The following ENAH variants were observed in gnomAD, a reference collection of about 807,000 sequenced individuals.
ENAH encodes the protein ENAH actin regulator, also known as protein enabled homolog.
A neutral mutation model predicts 78.7 loss-of-function variants in ENAH; 23 were observed. The observed-to-expected ratio is 0.29, with a 90% CI of 0.21 to 0.41. ENAH has a LOEUF of 0.41. Ranked by LOEUF, ENAH falls within the 10% of genes least tolerant of loss-of-function variation. The pLI, the probability that ENAH is intolerant of heterozygous loss-of-function variation, is 1.00. For missense variants in ENAH, 544 were observed against 691.0 expected, an observed-to-expected ratio of 0.79 and a Z score of 2.39; for synonymous variants, 226 against 241.0, an observed-to-expected ratio of 0.94 and a Z score of 0.58.
rs765387144 is a variant in ENAH, at chr1:225,517,215, G to A, written c.894C>T (p.Ala298=). The A allele has an allele frequency of 8.8e-5, 135 of 1,542,774 alleles. No homozygotes were observed. Among genetic ancestry groups the A allele is most frequent in the Middle Eastern group, 2.0e-4 (1 of 4,954 alleles). The change falls in exon 6 of 14, where the codon GCC becomes GCT. Residue 298 remains alanine, a synonymous_variant. Transcript: ENST00000366843. The part of the protein sequence containing the change: ...EPGLQAASQP[A]ETPSQQGIVL... ...CCTTACCCTGTTGGGATGGAGTCTC[G>A]GCCGGCTGAGAGGCTGCCTGCAAGC...
intron 1 of ENAH, among the ~76,000 whole-genome samples, chr1:225,618,599 C>T (rs766598938): frequency 1.1e-4 from 17 of 152,222 alleles, no homozygotes; most frequent in Non-Finnish European, 2.5e-4. Context: ...TCCACCCATT[C>T]CACAAATCTA....
At chr1:225,575,147 C>T (rs2096782616) in intron 1 of ENAH, among the ~76,000 whole-genome samples, 1 of 152,170 alleles carries the variant, frequency 6.6e-6, no homozygotes. Flanking sequence ...GCTCCACACA[C>T]ACAGTCACCA....
rs142795931 is a variant in ENAH, at chr1:225,604,742, G to A, written c.6-37328C>T. ...CATGAGGCAGGGGTTGCAGTAAGCC[G>A]AGATTGCGCCATTGCACTCCAGCCT... is the stretch of plus-strand genomic sequence containing the variant. On this transcript the variant is annotated intron_variant, in intron 1 of 13. Transcript: ENST00000366843. Among the ~76,000 whole-genome samples, 116 of 152,118 alleles carry A rather than the reference G, an allele frequency of 7.6e-4. 1 individual carries two copies. The East Asian group carries it at 0.015, about 19-fold the overall frequency.
chr1:225,531,815 T>C (rs908176347), intron 3 of ENAH, among the ~76,000 whole-genome samples: 4 of 152,056 alleles, frequency 2.6e-5, no homozygotes, highest in Admixed American at 2.0e-4. Flanking sequence ...TACTGGTGTA[T>C]CCCAAGTGTG....
chr1:225,588,754 G>A (rs984239643), intron 1 of ENAH, among the ~76,000 whole-genome samples: 3 of 146,926 alleles, frequency 2.0e-5, no homozygotes, highest in South Asian at 2.1e-4. Flanking sequence ...GCAGTGAGCC[G>A]AGGTCGTGCC....
intron 11 of ENAH, among the ~76,000 whole-genome samples, 159 bp downstream of exon 11, chr1:225,507,792 T>C (rs2096345282): frequency 6.6e-6 from 1 of 152,108 alleles, no homozygotes; most frequent in African/African-American, 2.4e-5. Context: ...ATGAGTAATA[T>C]ATAATGAGGC....
chr1:225,628,906 CAAAA>C (rs35601763), intron 1 of ENAH, among the ~76,000 whole-genome samples: 1 of 68,536 alleles, frequency 1.5e-5, no homozygotes, highest in Admixed American at 1.7e-4. Context: ...AACTCCGTCT[CAAAA>C]AAAAAAAAAA....
At chr1:225,633,858 G>C (rs990496696) in intron 1 of ENAH, among the ~76,000 whole-genome samples, 4 of 152,138 alleles carry the variant, frequency 2.6e-5, no homozygotes, top group Non-Finnish European at 5.9e-5. Context: ...GGTCTGTGGC[G>C]AAGGACTTAT....
At chr1:225,604,920 T>C (rs187428337) in intron 1 of ENAH, among the ~76,000 whole-genome samples, 11 of 152,336 alleles carry the variant, frequency 7.2e-5, no homozygotes, top group Non-Finnish European at 1.3e-4. Flanking sequence ...CTTTTAGACT[T>C]TGATACTTAG....
chr1:225,595,162 G>A (rs967656591), intron 1 of ENAH, among the ~76,000 whole-genome samples: 3 of 151,974 alleles, frequency 2.0e-5, no homozygotes, highest in African/African-American at 2.4e-5. Context: ...GTGAAACCCC[G>A]GCTCTACTAA....
At chr1:225,647,009 G>C (rs921949205) in intron 1 of ENAH, among the ~76,000 whole-genome samples, 1 of 151,612 alleles carries the variant, frequency 6.6e-6, no homozygotes, top group Non-Finnish European at 1.5e-5. Context: ...GGCGCATCAC[G>C]AGGTCAGGAG....
chr1:225,513,153 C>T, intron 7 of ENAH, 137 bp from the exon 8 acceptor site: 5 of 717,242 alleles, frequency 7.0e-6, no homozygotes, highest in Non-Finnish European at 1.1e-5. Flanking sequence ...GCTTTAAGAA[C>T]CAATAGATTC....
At chr1:225,582,195 G>C (rs1006171655) in intron 1 of ENAH, among the ~76,000 whole-genome samples, 2 of 152,022 alleles carry the variant, frequency 1.3e-5, no homozygotes, top group African/African-American at 4.8e-5. Context: ...TCCAGCCACA[G>C]GAAGTGCCAG....
chr1:225,500,903 A>T, intron 12 of ENAH, 89 bp downstream of exon 12: 4 of 1,188,480 alleles, frequency 3.4e-6, no homozygotes, highest in Non-Finnish European at 4.9e-6. Context: ...TTCTAAGTAC[A>T]TTCAGGATCC....
At chr1:225,575,157 A>AATTGAC (rs2096782644) in intron 1 of ENAH, among the ~76,000 whole-genome samples, 3 of 152,146 alleles carry the variant, frequency 2.0e-5, no homozygotes, top group Non-Finnish European at 2.9e-5. Context: ...CACAGTCACC[A>AATTGAC]AGCCCTGTCA....
intron 2 of ENAH, among the ~76,000 whole-genome samples, chr1:225,563,187 C>T (rs481746): frequency 0.91 from 138,007 of 152,278 alleles, 62,695 homozygotes; most frequent in African/African-American, 0.95. Flanking sequence ...ATAGTTTATC[C>T]GCAGATACTC....
Position 225,532,004 on chromosome 1 carries a change from A to T in ENAH, c.350-1366T>A, listed in dbSNP as rs893733259. ...ATTTTGAGAACCAAATAAATATTAT[A>T]AAAAAAAATTAATCCCATGTAATCA... On this transcript the variant is annotated intron_variant, in intron 3 of 13. Transcript: ENST00000366843. 2.0e-4 allele frequency among the ~76,000 whole-genome samples: 30 copies of T among 147,184 alleles called. No individual in the cohort carries two copies. The East Asian group carries it at 2.2e-3, about 11-fold the overall frequency.
At chr1:225,531,995 AAAT>A (rs1196217793) in intron 3 of ENAH, among the ~76,000 whole-genome samples, 1 of 151,894 alleles carries the variant, frequency 6.6e-6, no homozygotes, top group Non-Finnish European at 1.5e-5. Flanking sequence ...AGAACCAAAT[AAAT>A]ATTATAAAAA....
chr1:225,510,450 G>C (rs556009870), intron 10 of ENAH, among the ~76,000 whole-genome samples: 1 of 152,040 alleles, frequency 6.6e-6, no homozygotes, highest in East Asian at 1.9e-4. Flanking sequence ...CGGTACTAAT[G>C]AGAGTACATA....
Sources: gnomAD v4.1 joint callset for allele counts (sites outside exome capture counted in the v4.1 genomes callset) on GRCh38, gnomAD v4.1.1 for gene constraint, MANE v1.5 for transcripts, NCBI Gene and HGNC (gene_info 2026-07-23, HGNC 2026-07-21) for gene names.